TSC22D2: variants seen among roughly 807,000 people sequenced by gnomAD.
TSC22D2 encodes TSC22 domain family member 2.
A neutral mutation model predicts 50.1 loss-of-function variants in TSC22D2; 5 were observed. The ratio of observed to expected loss-of-function variants is 0.10; its 90% CI spans 0.05 to 0.21. The LOEUF (loss-of-function observed/expected upper bound fraction) is 0.21, where lower values mean the gene tolerates loss of function less well. TSC22D2 is among the 10% of genes least tolerant of loss of function. The probability of loss-of-function intolerance (pLI) is 1.00; values close to 1 mark genes in which losing one functional copy is unlikely to be tolerated. For missense variants in TSC22D2, 1,003 were observed against 1,015.5 expected, an observed-to-expected ratio of 0.99 and a Z score of 0.17; for synonymous variants, 501 against 450.1, an observed-to-expected ratio of 1.11 and a Z score of -1.43.
chr3:150,410,375 C>G lies in TSC22D2; in HGVS notation c.1025C>G (p.Pro342Arg), dbSNP rs1275039810. The part of the protein sequence containing the change: ...AQPAMSLPPQ[P>R]GPAVGAPAAQ... ...CCGGCTATGTCCCTGCCTCCGCAGC[C>G]GGGCCCTGCAGTGGGCGCCCCCGCG... Residue 342 changes from proline to arginine, a missense_variant, in exon 1 of 3, where the codon CCG becomes CGG. Pro to Arg is a moderately radical substitution (Grantham distance 103). Around this residue, in one of 6 missense-constraint regions of TSC22D2, gnomAD observed 696 missense variants for 647.8 expected, o/e 1.07. Coordinates refer to ENST00000688009, the MANE Select transcript of TSC22D2 (RefSeq NM_001303264.2). 1.1e-5 allele frequency: 17 copies of G among 1,603,316 alleles called. No homozygotes were observed. Among genetic ancestry groups the G allele is most frequent in the African/African-American group, 1.3e-5 (1 of 74,314 alleles).
intron 1 of TSC22D2, among the ~76,000 whole-genome samples, chr3:150,444,137 C>A (rs1335051737): frequency 3.3e-5 from 5 of 152,136 alleles, no homozygotes; most frequent in African/African-American, 9.7e-5. Context: ...CAAGGAACAT[C>A]AAAAACCTAC....
chr3:150,442,962 G>A (rs969605568), intron 1 of TSC22D2, among the ~76,000 whole-genome samples: 1 of 152,156 alleles, frequency 6.6e-6, no homozygotes, highest in Non-Finnish European at 1.5e-5. Flanking sequence ...TGAGAGATGG[G>A]ATTCAAACCT....
chr3:150,429,348 C>T (rs1720303526), intron 1 of TSC22D2, among the ~76,000 whole-genome samples: 1 of 152,090 alleles, frequency 6.6e-6, no homozygotes, highest in African/African-American at 2.4e-5. Context: ...ATTCTTCCTA[C>T]CCAGGTGCCA....
chr3:150,424,019 A>G (rs1720094180), intron 1 of TSC22D2, among the ~76,000 whole-genome samples: 1 of 152,208 alleles, frequency 6.6e-6, no homozygotes, highest in African/African-American at 2.4e-5. Context: ...TACATGTCAT[A>G]TTAAGACATG....
Position 150,464,546 on chromosome 3 carries a change from C to T in TSC22D2, c.*5910C>T, listed in dbSNP as rs1721501340. 6.6e-6 allele frequency: 1 copy of T among 151,950 alleles called. No homozygotes were observed. Among genetic ancestry groups the T allele is most frequent in the African/African-American group, 2.4e-5 (1 of 41,352 alleles). 9.4% of individuals were successfully genotyped at this position (151,950 alleles called of 1,614,324 possible). A position where few individuals can be genotyped will look rare whatever the true frequency, so the allele number is the denominator to read the frequency against. ...TTTGTGTGCTCCAATGAGCTCAGTC[C>T]AGTGTAAGTGTAAAAGTTAAAGTGC... On this transcript the variant is annotated 3_prime_UTR_variant, in exon 3 of 3. Coordinates refer to ENST00000688009, the MANE Select transcript of TSC22D2 (RefSeq NM_001303264.2).
At chr3:150,415,262 T>C (rs577715133) in intron 1 of TSC22D2, among the ~76,000 whole-genome samples, 12 of 152,312 alleles carry the variant, frequency 7.9e-5, no homozygotes, top group African/African-American at 2.9e-4. Context: ...TGACACATAC[T>C]GTATAAAATT....
At chr3:150,449,119 C>T in intron 1 of TSC22D2, among the ~76,000 whole-genome samples, 1 of 152,066 alleles carries the variant, frequency 6.6e-6, no homozygotes. Flanking sequence ...TCACAAATAT[C>T]ACTTATGTTG....
chr3:150,438,924 G>A (rs1382289049), intron 1 of TSC22D2, among the ~76,000 whole-genome samples: 1 of 151,804 alleles, frequency 6.6e-6, no homozygotes, highest in Non-Finnish European at 1.5e-5. Flanking sequence ...TATATTCCCC[G>A]AAAATTAATT....
intron 1 of TSC22D2, among the ~76,000 whole-genome samples, chr3:150,447,049 T>C (rs1342102670): frequency 3.0e-4 from 46 of 152,150 alleles, no homozygotes; most frequent in Admixed American, 3.0e-3. Flanking sequence ...TTTTCACTGG[T>C]ATTTGGCTTT....
chr3:150,462,299 AC>A lies in TSC22D2; in HGVS notation c.*3664del, dbSNP rs1721439670. The A allele has an allele frequency of 3.3e-5, 5 of 152,180 alleles. No homozygotes were observed. The highest frequency in any genetic ancestry group is 2.0e-4 in the Admixed American group (3 of 15,272). The allele number at this position is 152,180 out of a possible 1,614,324, so 9.4% of individuals were successfully genotyped here. On this transcript the variant is annotated 3_prime_UTR_variant, in exon 3 of 3. Coordinates refer to ENST00000688009, the MANE Select transcript of TSC22D2 (RefSeq NM_001303264.2). Reference sequence around the variant, plus strand: ...TTGCATTGGAGACAGGCAGGCAGTGACTTCCCCACTGACCTAGTATTTTGGC... The same window carrying A: ...TTGCATTGGAGACAGGCAGGCAGTGATTCCCCACTGACCTAGTATTTTGGC...
In TSC22D2 at chr3:150,410,278, C is replaced by A. The variant is rs1719477277; in HGVS notation, c.928C>A (p.Gln310Lys). ...GCCGCAGCCAATGATGGCAGCCGCGCAGCCCAGCCAGCCCCAGGGAGCGGG... is the reference window on the plus strand; with the variant it reads ...GCCGCAGCCAATGATGGCAGCCGCGAAGCCCAGCCAGCCCCAGGGAGCGGG... ...TGPQPMMAAA[Q>K]PSQPQGAGPG... Residue 310 changes from glutamine to lysine, a missense_variant, in exon 1 of 3, where the codon CAG becomes AAG. Gln to Lys is a moderately conservative substitution (Grantham distance 53). Coordinates refer to ENST00000688009, the MANE Select transcript of TSC22D2 (RefSeq NM_001303264.2). 1 of 1,554,164 alleles carries A rather than the reference C, an allele frequency of 6.4e-7. No homozygotes were observed. Among genetic ancestry groups the A allele is most frequent in the Middle Eastern group, 1.8e-4 (1 of 5,686 alleles).
At chr3:150,432,988 G>C (rs1329940361) in intron 1 of TSC22D2, among the ~76,000 whole-genome samples, 1 of 152,076 alleles carries the variant, frequency 6.6e-6, no homozygotes, top group South Asian at 2.1e-4. Flanking sequence ...GATTGATACA[G>C]AGCTTTTAAA....
At chr3:150,427,782 C>T (rs781161603) in intron 1 of TSC22D2, among the ~76,000 whole-genome samples, 42 of 151,932 alleles carry the variant, frequency 2.8e-4, no homozygotes, top group Non-Finnish European at 8.8e-5. Flanking sequence ...TCCCTCTTTC[C>T]TTACTTCATT....
chr3:150,452,813 T>G (rs1218162295), intron 1 of TSC22D2, among the ~76,000 whole-genome samples: 1 of 152,234 alleles, frequency 6.6e-6, no homozygotes, highest in Non-Finnish European at 1.5e-5. Context: ...TTTCCACAGC[T>G]CTATATTTCT....
rs1721543677 is a variant in TSC22D2, at chr3:150,466,305, CTG to C, written c.*7671_*7672del. ...AAGGTCTGGAAGGATACTAACCAAA[CTG>C]TCAACAGTAGTTTGGTAGCGTGCAT... On this transcript the variant is annotated 3_prime_UTR_variant, in exon 3 of 3. Transcript: ENST00000688009. 1 of 152,008 alleles carries C rather than the reference CTG, an allele frequency of 6.6e-6. No homozygotes were observed. The highest frequency in any genetic ancestry group is 2.1e-4 in the South Asian group (1 of 4,814). 9.4% of individuals were successfully genotyped at this position (152,008 alleles called of 1,614,324 possible).
Position 150,409,949 on chromosome 3 carries a change from A to G in TSC22D2, c.599A>G (p.Asp200Gly). The change falls in exon 1 of 3, where the codon GAT becomes GGT. Residue 200 changes from aspartate (D) to glycine (G), a missense_variant. Physicochemically the swap from Asp to Gly is moderately conservative, Grantham distance 94. This residue lies in a region of TSC22D2 where 696 missense variants were observed against 647.8 expected (regional missense o/e 1.07). Coordinates refer to ENST00000688009, the MANE Select transcript of TSC22D2 (RefSeq NM_001303264.2). The surrounding 1 kb of genome is among the most constrained non-coding windows in gnomAD (Gnocchi z 7.4). The part of the protein sequence containing the change: ...SDSSVLTRSG[D>G]CIRHSSTFDQ... ...AGCAGCGTCCTGACTAGATCCGGGG[A>G]TTGCATTAGACACAGCAGTACTTTT... 2 of 1,613,928 alleles carry G rather than the reference A, an allele frequency of 1.2e-6. No homozygotes were observed. Among genetic ancestry groups the G allele is most frequent in the Non-Finnish European group, 1.7e-6 (2 of 1,180,014 alleles).
intron 1 of TSC22D2, among the ~76,000 whole-genome samples, chr3:150,438,848 C>A (rs1028964765): frequency 2.6e-5 from 4 of 152,058 alleles, no homozygotes; most frequent in Non-Finnish European, 5.9e-5. Flanking sequence ...TCAATTCTTA[C>A]ATTGAGAATA....
At chr3:150,457,627 C>CA (rs1411877518) in intron 2 of TSC22D2, among the ~76,000 whole-genome samples, 1 of 151,908 alleles carries the variant, frequency 6.6e-6, no homozygotes, top group Non-Finnish European at 1.5e-5. Context: ...CCCGTCTCTA[C>CA]AAAAAAAGTT....
intron 1 of TSC22D2, among the ~76,000 whole-genome samples, chr3:150,412,350 G>T (rs1399914726): frequency 1.1e-4 from 17 of 152,130 alleles, no homozygotes; most frequent in Non-Finnish European, 1.5e-5. Flanking sequence ...TTAGCGAGAG[G>T]CTAATTTTAG....
Sources: allele counts gnomAD v4.1 joint callset (sites outside exome capture counted in the v4.1 genomes callset), GRCh38; gene constraint gnomAD v4.1.1; regional missense constraint gnomAD v4.1.1; non-coding constraint Gnocchi (gnomAD v3.1); transcripts MANE v1.5; gene names NCBI Gene and HGNC (gene_info 2026-07-23, HGNC 2026-07-21).